WDR44: variants seen among roughly 807,000 people sequenced by gnomAD.
WDR44 encodes the protein WD repeat domain 44.
WDR44 carries 9 observed loss-of-function variants against 65.7 expected under a neutral mutation model. The observed-to-expected ratio is 0.14, with a 90% CI of 0.08 to 0.24. WDR44 has a LOEUF of 0.24. WDR44 is among the 10% of genes least tolerant of loss of function. The pLI is 1.00. For missense variants in WDR44, 425 were observed against 670.9 expected, an observed-to-expected ratio of 0.63 and a Z score of 4.05; for synonymous variants, 220 against 235.2, an observed-to-expected ratio of 0.94 and a Z score of 0.59.
intron 2 of WDR44, among the ~76,000 whole-genome samples, chrX:118,379,272 G>A (rs1165652585): frequency 9.0e-6 from 1 of 110,809 alleles, no homozygotes; most frequent in Non-Finnish European, 1.9e-5. Flanking sequence ...TATTGTATAT[G>A]TATATTTATA....
At chrX:118,382,026 G>A (rs921416259) in intron 2 of WDR44, among the ~76,000 whole-genome samples, 4 of 110,864 alleles carry the variant, frequency 3.6e-5, no homozygotes, top group Non-Finnish European at 5.7e-5. Context: ...CCCACACCCA[G>A]CTATTTTATT....
At chrX:118,347,888 A>G (rs1020067023) in intron 1 of WDR44, among the ~76,000 whole-genome samples, 8 of 112,431 alleles carry the variant, frequency 7.1e-5, no homozygotes, top group African/African-American at 1.9e-4. Context: ...AATATCTGAG[A>G]CAAGTTTAGA....
At chrX:118,419,459 G>C (rs917956759) in intron 12 of WDR44, among the ~76,000 whole-genome samples, 1 of 109,238 alleles carries the variant, frequency 9.2e-6, no homozygotes, top group East Asian at 3.1e-4. Context: ...TTTCCCCAGT[G>C]GGGGTGTGTG....
In WDR44 at chrX:118,346,831, C is replaced by G. The variant is rs778632388; in HGVS notation, c.77+251C>G. On this transcript the variant is annotated intron_variant, in intron 1 of 19. Coordinates refer to ENST00000254029, the MANE Select transcript of WDR44 (RefSeq NM_019045.5). ...CGGTCCCAGGGTCGGTCTCGGAGCCCGTTTCTCTTCTGATCCAGCCTTCTG... is the reference window on the plus strand; with the variant it reads ...CGGTCCCAGGGTCGGTCTCGGAGCCGGTTTCTCTTCTGATCCAGCCTTCTG... Among the ~76,000 whole-genome samples, 13 of 111,448 alleles carry G rather than the reference C, an allele frequency of 1.2e-4. No individual in the cohort carries two copies. The East Asian group carries it at 2.8e-3, about 24-fold the overall frequency.
chrX:118,363,524 C>T (rs780098657), intron 1 of WDR44, among the ~76,000 whole-genome samples: 3 of 110,293 alleles, frequency 2.7e-5, no homozygotes, highest in Non-Finnish European at 5.7e-5. Flanking sequence ...GAACAATAAG[C>T]GAAATCTGGG....
chrX:118,407,989 A>G (rs1250728003), intron 10 of WDR44, among the ~76,000 whole-genome samples: 2 of 95,200 alleles, frequency 2.1e-5, no homozygotes, highest in African/African-American at 4.2e-5. Context: ...ATGTTTACAG[A>G]TAAATGTTTG....
intron 1 of WDR44, among the ~76,000 whole-genome samples, chrX:118,369,794 A>T (rs2056598313): frequency 8.9e-6 from 1 of 112,138 alleles, no homozygotes; most frequent in Admixed American, 9.5e-5. Flanking sequence ...AGAAAACAGG[A>T]TATAATGCAT....
chrX:118,378,883 A>AC (rs1220490182), intron 2 of WDR44, among the ~76,000 whole-genome samples: 4 of 106,947 alleles, frequency 3.7e-5, no homozygotes, highest in East Asian at 2.9e-4. Context: ...AAAAAAAAAA[A>AC]ACACACAAAA....
chrX:118,353,810 C>T (rs1242032645), intron 1 of WDR44, among the ~76,000 whole-genome samples: 1 of 112,150 alleles, frequency 8.9e-6, no homozygotes, highest in African/African-American at 3.2e-5. Flanking sequence ...GCTAAAATGA[C>T]TTAAAAGCAT....
rs764098703 is a variant in WDR44, at chrX:118,346,453, A to T, written c.-51A>T. On this transcript the variant is annotated 5_prime_UTR_variant, in exon 1 of 20. Transcript: ENST00000254029. ...GGTCGACGAGGAGGAGACAAGAGTC[A>T]CCCTTCCTCCAGGCGGCGCCGGCCC... 7.2e-6 allele frequency: 8 copies of T among 1,105,942 alleles called. No homozygotes were observed. The South Asian group carries it at 1.5e-4, about 20-fold the overall frequency. 91.1% of individuals were successfully genotyped at this position (1,105,942 alleles called of 1,213,427 possible). A position where few individuals can be genotyped will look rare whatever the true frequency, so the allele number is the denominator to read the frequency against.
At chrX:118,387,276 T>C in intron 2 of WDR44, 64 bp from the exon 3 acceptor site, 1 of 822,532 alleles carries the variant, frequency 1.2e-6, no homozygotes, top group Non-Finnish European at 1.7e-6. Context: ...TGTACCCCTT[T>C]AAAGCATATT....
chrX:118,369,543 C>T (rs1430928372), intron 1 of WDR44, among the ~76,000 whole-genome samples: 2 of 97,965 alleles, frequency 2.0e-5, no homozygotes, highest in African/African-American at 3.8e-5. Context: ...GATCTCGGCT[C>T]ACTGCAAGCT....
At position 118,410,228 on chromosome X, in the gene WDR44, G is replaced by A. The variant is rs369940220; in HGVS notation, c.1672+601G>A. Among the ~76,000 whole-genome samples the A allele has an allele frequency of 4.5e-5, 5 of 110,828 alleles. No individual in the cohort carries two copies. The East Asian group carries it at 8.5e-4, about 19-fold the overall frequency. ...AATAAGTTTTTTCCACACCCTCCCC[G>A]CCATCAAGTAAGGCTGCAAACGAGA... On this transcript the variant is annotated intron_variant, in intron 11 of 19. Transcript: ENST00000254029.
Position 118,424,265 on chromosome X carries a change from T to TTATATA in WDR44, c.1738-8504_1738-8499dup, listed in dbSNP as rs368098490. On this transcript the variant is annotated intron_variant, in intron 12 of 19. Transcript: ENST00000254029. Reference sequence around the variant, plus strand: ...CACATCTTCACTAATACTTGTTATCTTATATATATATATATATGTGTGTGT... The same window carrying TTATATA: ...CACATCTTCACTAATACTTGTTATCTTATATATATATATATATATATATGTGTGTGT... Among the ~76,000 whole-genome samples the TTATATA allele has an allele frequency of 1.5e-3, 114 of 77,212 alleles. 3 individuals are homozygous for TTATATA. The highest frequency in any genetic ancestry group is 6.7e-3 in the African/African-American group (102 of 15,295). 67.0% of individuals were successfully genotyped at this position (77,212 alleles called of 115,157 possible). A position where few individuals can be genotyped will look rare whatever the true frequency, so the allele number is the denominator to read the frequency against.
At position 118,346,134 on chromosome X, in the gene WDR44, G is replaced by A; in HGVS notation, c.-370G>A. ...ATTTTGCGGGCAACTAGCTCTTCCA[G>A]CTGCTGTAAATTGCTGCTGCGGGAG... On this transcript the variant is annotated 5_prime_UTR_variant, in exon 1 of 20. Transcript: ENST00000254029. 1 of 302,099 alleles carries A rather than the reference G, an allele frequency of 3.3e-6. No individual in the cohort carries two copies. The highest frequency in any genetic ancestry group is 5.9e-5 in the Admixed American group (1 of 16,948). The allele number at this position is 302,099 out of a possible 1,213,427, so 24.9% of individuals were successfully genotyped here. A position where few individuals can be genotyped will look rare whatever the true frequency, so the allele number is the denominator to read the frequency against.
At chrX:118,369,628 CTG>C (rs1423448306) in intron 1 of WDR44, among the ~76,000 whole-genome samples, 1 of 107,021 alleles carries the variant, frequency 9.3e-6, no homozygotes, top group African/African-American at 3.4e-5. Flanking sequence ...ACCACCACGC[CTG>C]ACTAATTTTT....
intron 1 of WDR44, among the ~76,000 whole-genome samples, chrX:118,352,162 T>G (rs1412297445): frequency 1.0e-5 from 1 of 98,580 alleles, no homozygotes; most frequent in Non-Finnish European, 2.0e-5. Flanking sequence ...TTTGTTTTTT[T>G]TTTTGAGACA....
intron 19 of WDR44, chrX:118,445,091 C>T (rs976107118): frequency 5.3e-5 from 15 of 285,041 alleles, no homozygotes; most frequent in African/African-American, 2.6e-4. Context: ...GTCAGGAGAT[C>T]GAGACCATCC....
chrX:118,413,920 C>T (rs971605524), intron 12 of WDR44, among the ~76,000 whole-genome samples: 2 of 111,461 alleles, frequency 1.8e-5, no homozygotes, highest in Admixed American at 9.6e-5. Context: ...TATCTCAGCA[C>T]CATTTGTTGA....
Sources: allele counts gnomAD v4.1 joint callset (sites outside exome capture counted in the v4.1 genomes callset), GRCh38; gene constraint gnomAD v4.1.1; transcripts MANE v1.5; gene names NCBI Gene and HGNC (gene_info 2026-07-23, HGNC 2026-07-21).